Variants in GRIA1 observed in about 807,000 individuals in gnomAD.
GRIA1 encodes glutamate receptor 1.
Under a neutral mutation model 99.2 loss-of-function variants are expected in GRIA1, and 31 were observed. The ratio of observed to expected loss-of-function variants is 0.31; its 90% CI spans 0.23 to 0.42. The LOEUF is 0.42. Ranked by LOEUF, GRIA1 falls within the 10% of genes least tolerant of loss-of-function variation. The pLI, the probability that GRIA1 is intolerant of heterozygous loss-of-function variation, is 1.00. For synonymous variants in GRIA1, 438 were observed against 432.4 expected, an observed-to-expected ratio of 1.01 and a Z score of -0.16; for missense variants, 782 against 1,157.5, an observed-to-expected ratio of 0.68 and a Z score of 4.71.
intron 4 of GRIA1, 63 bp downstream of exon 4, chr5:153,650,577 C>A (rs1754490460): frequency 6.6e-7 from 1 of 1,511,674 alleles, no homozygotes; most frequent in East Asian, 2.3e-5. Flanking sequence ...GCCAGACACA[C>A]TTTTGCCTTG....
At chr5:153,741,139 G>A (rs866125918) in intron 11 of GRIA1, among the ~76,000 whole-genome samples, 5 of 151,988 alleles carry the variant, frequency 3.3e-5, no homozygotes, top group Middle Eastern at 3.4e-3. Context: ...ACCACTCCTG[G>A]CTAATTTTTT....
intron 8 of GRIA1, among the ~76,000 whole-genome samples, chr5:153,691,236 T>C (rs151138637): frequency 1.3e-5 from 2 of 152,316 alleles, no homozygotes; most frequent in Non-Finnish European, 2.9e-5. Context: ...CACTATGGGG[T>C]ACTGATTTAG....
At chr5:153,541,326 T>C (rs1406914268) in intron 2 of GRIA1, among the ~76,000 whole-genome samples, 1 of 152,190 alleles carries the variant, frequency 6.6e-6, no homozygotes, top group Non-Finnish European at 1.5e-5. Flanking sequence ...CAAGATTAAC[T>C]TTCAGTCTAA....
intron 11 of GRIA1, among the ~76,000 whole-genome samples, chr5:153,757,575 C>T (rs1762915734): frequency 6.6e-6 from 1 of 152,146 alleles, no homozygotes; most frequent in African/African-American, 2.4e-5. Context: ...ATGTAAGAAT[C>T]CCAACACACC....
rs901367605 is a variant in GRIA1 at position 153,492,166 on chromosome 5, G to A, written c.82+1196G>A. 2.7e-6 allele frequency: 4 copies of A among 1,505,738 alleles called. No homozygotes were observed. The African/African-American group carries it at 5.5e-5, about 21-fold the overall frequency. 93.3% of individuals were successfully genotyped at this position (1,505,738 alleles called of 1,614,324 possible). A position where few individuals can be genotyped will look rare whatever the true frequency, so the allele number is the denominator to read the frequency against. On this transcript the variant is annotated intron_variant, in intron 1 of 15. Transcript: ENST00000285900. Reference sequence around the variant, plus strand: ...TTTTGTGAGTGTGTGTTTGAGGGGGGATGTGGTGCAATTGATATTTTGTCG... The same window carrying A: ...TTTTGTGAGTGTGTGTTTGAGGGGGAATGTGGTGCAATTGATATTTTGTCG...
At chr5:153,739,888 T>C (rs1761657274) in intron 11 of GRIA1, among the ~76,000 whole-genome samples, 2 of 152,158 alleles carry the variant, frequency 1.3e-5, no homozygotes, top group African/African-American at 4.8e-5. Context: ...TATAAGTCAC[T>C]GAAAAAAGTG....
intron 13 of GRIA1, among the ~76,000 whole-genome samples, chr5:153,776,880 T>A (rs1161451095): frequency 6.6e-6 from 1 of 152,220 alleles, no homozygotes; most frequent in Non-Finnish European, 1.5e-5. Flanking sequence ...GTATCTTCCA[T>A]GAAGTCCAGT....
intron 11 of GRIA1, among the ~76,000 whole-genome samples, chr5:153,734,720 G>T (rs1031134544): frequency 6.6e-6 from 1 of 152,178 alleles, no homozygotes; most frequent in Non-Finnish European, 1.5e-5. Flanking sequence ...GGATAGGCCA[G>T]GGAAGGCTTT....
chr5:153,573,754 G>T (rs1016752667), intron 2 of GRIA1, among the ~76,000 whole-genome samples: 1 of 152,176 alleles, frequency 6.6e-6, no homozygotes, highest in African/African-American at 2.4e-5. Context: ...GATCCCAAAG[G>T]TAATGGAGGA....
At chr5:153,790,451 T>C (rs904360593) in intron 13 of GRIA1, among the ~76,000 whole-genome samples, 1 of 152,132 alleles carries the variant, frequency 6.6e-6, no homozygotes, top group Non-Finnish European at 1.5e-5. Flanking sequence ...GTAGGCATGA[T>C]GAAAATGCAA....
chr5:153,735,102 T>C (rs1401696795), intron 11 of GRIA1, among the ~76,000 whole-genome samples: 2 of 152,170 alleles, frequency 1.3e-5, no homozygotes, highest in Non-Finnish European at 2.9e-5. Flanking sequence ...CAAAGAATTA[T>C]CTGGCCTCAA....
intron 8 of GRIA1, among the ~76,000 whole-genome samples, chr5:153,690,681 T>C (rs1359034490): frequency 1.3e-5 from 2 of 152,170 alleles, no homozygotes; most frequent in African/African-American, 2.4e-5. Flanking sequence ...AATGGATAAA[T>C]CAGCAAAGAG....
intron 2 of GRIA1, among the ~76,000 whole-genome samples, chr5:153,552,399 C>T (rs1760234258): frequency 6.6e-6 from 1 of 152,044 alleles, no homozygotes; most frequent in African/African-American, 2.4e-5. Context: ...CTGCTTGACT[C>T]CTAAAGGTAT....
chr5:153,615,765 C>A (rs1444831828), intron 2 of GRIA1, among the ~76,000 whole-genome samples: 12 of 152,172 alleles, frequency 7.9e-5, no homozygotes, highest in African/African-American at 2.9e-4. Flanking sequence ...CTCGTAACAA[C>A]TTTAAGATGA....
chr5:153,786,022 C>T (rs1764945494), intron 13 of GRIA1, among the ~76,000 whole-genome samples: 1 of 152,182 alleles, frequency 6.6e-6, no homozygotes, highest in Non-Finnish European at 1.5e-5. Context: ...TCTCCATGAT[C>T]CCTGGATCCA....
At chr5:153,614,032 T>A (rs558025672) in intron 2 of GRIA1, among the ~76,000 whole-genome samples, 1 of 152,152 alleles carries the variant, frequency 6.6e-6, no homozygotes, top group Non-Finnish European at 1.5e-5. Context: ...CACACCTGCT[T>A]CTCTCGCTGC....
At chr5:153,707,017 G>A (rs1758944366) in intron 11 of GRIA1, among the ~76,000 whole-genome samples, 1 of 152,142 alleles carries the variant, frequency 6.6e-6, no homozygotes, top group South Asian at 2.1e-4. Flanking sequence ...ATTTCAGGAG[G>A]TTGAGGTAGG....
chr5:153,551,740 C>G (rs1383358398), intron 2 of GRIA1, among the ~76,000 whole-genome samples: 1 of 152,200 alleles, frequency 6.6e-6, no homozygotes, highest in Non-Finnish European at 1.5e-5. Context: ...GCCCATCCTC[C>G]TCCCTGAACC....
At chr5:153,579,057 T>C (rs969560786) in intron 2 of GRIA1, among the ~76,000 whole-genome samples, 4 of 152,198 alleles carry the variant, frequency 2.6e-5, no homozygotes, top group African/African-American at 9.7e-5. Context: ...TATAATACTT[T>C]GCTCCAAGTT....
Sources: gnomAD v4.1 joint callset for allele counts (sites outside exome capture counted in the v4.1 genomes callset) on GRCh38, gnomAD v4.1.1 for gene constraint, MANE v1.5 for transcripts, NCBI Gene and HGNC (gene_info 2026-07-23, HGNC 2026-07-21) for gene names.